TTC23: variants seen among roughly 807,000 people sequenced by gnomAD.
The protein encoded by TTC23 is tetratricopeptide repeat protein 23.
TTC23 carries 58 observed loss-of-function variants against 55.1 expected under a neutral mutation model. That is an observed-to-expected ratio of 1.05 (90% CI 0.85 to 1.31). The LOEUF is 1.31. Among genes scored for constraint, TTC23 ranks in the 50% most tolerant of loss-of-function variants. The pLI is 0.00. For synonymous variants in TTC23, 203 were observed against 199.9 expected, an observed-to-expected ratio of 1.02 and a Z score of -0.13; for missense variants, 516 against 534.4, an observed-to-expected ratio of 0.97 and a Z score of 0.34.
At chr15:99,205,898 G>A (rs2076589320) in intron 8 of TTC23, among the ~76,000 whole-genome samples, 1 of 152,138 alleles carries the variant, frequency 6.6e-6, no homozygotes, top group Admixed American at 6.6e-5. Context: ...GATCTTAGAG[G>A]AAAGGCTTTC....
At chr15:99,182,260 A>T (rs1422936427) in intron 9 of TTC23, among the ~76,000 whole-genome samples, 13 of 150,590 alleles carry the variant, frequency 8.6e-5, no homozygotes, top group African/African-American at 2.7e-4. Flanking sequence ...ACACACACAC[A>T]CACACACACA....
intron 12 of TTC23, chr15:99,148,750 A>G (rs1305439142): frequency 6.6e-6 from 1 of 152,176 alleles, no homozygotes; most frequent in Non-Finnish European, 1.5e-5. Flanking sequence ...CTAGAATACA[A>G]TCAGGTTTCT....
chr15:99,191,559 T>G (rs1235368784), intron 9 of TTC23, among the ~76,000 whole-genome samples: 1 of 152,234 alleles, frequency 6.6e-6, no homozygotes, highest in Admixed American at 6.5e-5. Context: ...CCAATCTCTC[T>G]TTTTGCCTGC....
At chr15:99,239,815 A>C (rs1223171333) in intron 3 of TTC23, among the ~76,000 whole-genome samples, 2 of 152,224 alleles carry the variant, frequency 1.3e-5, no homozygotes. Context: ...ATACCAACTA[A>C]TATATACATA....
intron 1 of TTC23, among the ~76,000 whole-genome samples, chr15:99,246,530 G>A (rs1283823332): frequency 2.6e-5 from 4 of 151,798 alleles, no homozygotes; most frequent in African/African-American, 2.4e-5. Flanking sequence ...CAGGAGAATC[G>A]CTTGAACCTA....
chr15:99,207,112 G>C (rs1380499868), intron 8 of TTC23, among the ~76,000 whole-genome samples: 1 of 152,070 alleles, frequency 6.6e-6, no homozygotes, highest in African/African-American at 2.4e-5. Flanking sequence ...TGATATGTTT[G>C]AGAGAAAACA....
At chr15:99,184,274 G>C (rs987343811) in intron 9 of TTC23, among the ~76,000 whole-genome samples, 10 of 152,126 alleles carry the variant, frequency 6.6e-5, no homozygotes, top group Non-Finnish European at 1.3e-4. Flanking sequence ...TGAGAAGAGG[G>C]CCACGGTCCT....
chr15:99,205,330 A>G (rs554581556), intron 8 of TTC23, among the ~76,000 whole-genome samples: 3 of 152,132 alleles, frequency 2.0e-5, no homozygotes, highest in East Asian at 1.9e-4. Context: ...TTCTATTTCA[A>G]TGAAGAATGT....
intron 9 of TTC23, among the ~76,000 whole-genome samples, chr15:99,175,382 G>A (rs988644811): frequency 8.5e-5 from 13 of 152,254 alleles, no homozygotes; most frequent in Non-Finnish European, 1.5e-4. Context: ...GCTATGGCCA[G>A]GGCCTGTCAC....
chr15:99,165,664 C>G (rs1462622965), intron 10 of TTC23, among the ~76,000 whole-genome samples: 3 of 152,062 alleles, frequency 2.0e-5, no homozygotes, highest in Non-Finnish European at 4.4e-5. Context: ...CTGGAGCACT[C>G]CTCAGAAGGT....
chr15:99,192,808 T>C (rs2075354914), intron 9 of TTC23, among the ~76,000 whole-genome samples: 1 of 152,136 alleles, frequency 6.6e-6, no homozygotes, highest in Non-Finnish European at 1.5e-5. Flanking sequence ...ACCGTGTGCC[T>C]GGAAAAGCTG....
chr15:99,181,611 C>T (rs1016736291), intron 9 of TTC23, among the ~76,000 whole-genome samples: 1 of 152,138 alleles, frequency 6.6e-6, no homozygotes. Flanking sequence ...GGTCATTTCA[C>T]CCTTCAAATC....
intron 12 of TTC23, among the ~76,000 whole-genome samples, chr15:99,154,349 G>A (rs1555498274): frequency 2.0e-5 from 3 of 152,178 alleles, no homozygotes; most frequent in African/African-American, 7.2e-5. Flanking sequence ...CTCCCAAAAA[G>A]CATGTGTTGG....
chr15:99,176,666 A>G (rs921882741), intron 9 of TTC23, among the ~76,000 whole-genome samples: 3 of 152,172 alleles, frequency 2.0e-5, no homozygotes, highest in Non-Finnish European at 4.4e-5. Flanking sequence ...GGGATAGGCA[A>G]AACACACTAG....
In TTC23 at chr15:99,136,855, TC is replaced by T. The variant is rs2067632420; in HGVS notation, c.*1154del. 1 of 152,278 alleles carries T rather than the reference TC, an allele frequency of 6.6e-6. No homozygotes were observed. Among genetic ancestry groups the T allele is most frequent in the Non-Finnish European group, 1.5e-5 (1 of 68,118 alleles). 9.4% of individuals were successfully genotyped at this position (152,278 alleles called of 1,614,324 possible). On this transcript the variant is annotated 3_prime_UTR_variant, in exon 14 of 14. Transcript: ENST00000394132. Reference sequence around the variant, plus strand: ...TGGTCTGTGGGGTCAGCTGTCACGCTCCTGAGGAAGACAATGGTCCCTGCTT... The same window carrying T: ...TGGTCTGTGGGGTCAGCTGTCACGCTCTGAGGAAGACAATGGTCCCTGCTT...
intron 8 of TTC23, among the ~76,000 whole-genome samples, chr15:99,213,960 C>T (rs954861104): frequency 3.3e-5 from 5 of 152,074 alleles, no homozygotes; most frequent in Non-Finnish European, 7.4e-5. Context: ...ATTTAGGAGA[C>T]AATGCCAAAT....
chr15:99,169,931 G>C (rs1466405150), intron 10 of TTC23, among the ~76,000 whole-genome samples: 1 of 152,218 alleles, frequency 6.6e-6, no homozygotes, highest in African/African-American at 2.4e-5. Flanking sequence ...GGCCGCAGAT[G>C]GGGCTACTTC....
At chr15:99,247,321 C>A (rs572640940) in intron 1 of TTC23, among the ~76,000 whole-genome samples, 22 of 149,848 alleles carry the variant, frequency 1.5e-4, no homozygotes, top group Non-Finnish European at 2.7e-4. Flanking sequence ...TAGATATACA[C>A]CCAAGAAAAC....
At chr15:99,239,807 AC>A (rs2079619586) in intron 3 of TTC23, among the ~76,000 whole-genome samples, 2 of 152,348 alleles carry the variant, frequency 1.3e-5, no homozygotes, top group East Asian at 3.9e-4. Flanking sequence ...TTTGGGCAAT[AC>A]CAACTAATAT....
Sources: allele counts gnomAD v4.1 joint callset (sites outside exome capture counted in the v4.1 genomes callset), GRCh38; gene constraint gnomAD v4.1.1; transcripts MANE v1.5; gene names NCBI Gene and HGNC (gene_info 2026-07-23, HGNC 2026-07-21).